Variants in ALOX5 observed in about 807,000 individuals in gnomAD.
ALOX5 encodes the protein arachidonate 5-lipoxygenase.
ALOX5 carries 64 observed loss-of-function variants against 87.9 expected under a neutral mutation model. The observed-to-expected ratio is 0.73, with a 90% CI of 0.60 to 0.90. The LOEUF is 0.90. ALOX5 is among the 40% of genes least tolerant of loss of function. The pLI is 0.00. For synonymous variants in ALOX5, 388 were observed against 355.1 expected, an observed-to-expected ratio of 1.09 and a Z score of -1.04; for missense variants, 822 against 907.5, an observed-to-expected ratio of 0.91 and a Z score of 1.21.
intron 1 of ALOX5, among the ~76,000 whole-genome samples, chr10:45,376,634 A>G (rs1038488860): frequency 1.3e-5 from 2 of 152,250 alleles, no homozygotes; most frequent in Admixed American, 1.3e-4. Context: ...TAACGATAAC[A>G]ATAACAATAA....
In ALOX5 at chr10:45,382,565, A is replaced by G. The variant is rs373197650; in HGVS notation, c.233A>G (p.Asn78Ser). Residue 78 changes from asparagine to serine, a missense_variant, in exon 2 of 14, where the codon AAT becomes AGT. Transcript: ENST00000374391. The part of the protein sequence containing the change: ...VRIEKRKYWL[N>S]DDWYLKYITL... ...ATCGAGAAGCGCAAGTACTGGCTGA[A>G]TGACGACTGGTACCTGAAGTACATC... 52 of 1,614,102 alleles carry G rather than the reference A, an allele frequency of 3.2e-5. 1 individual carries two copies. In the South Asian group the frequency reaches 4.7e-4, roughly 15 times the overall value.
intron 2 of ALOX5, among the ~76,000 whole-genome samples, chr10:45,394,336 C>G (rs956595911): frequency 6.6e-6 from 1 of 152,138 alleles, no homozygotes; most frequent in South Asian, 2.1e-4. Flanking sequence ...ACAAACCTGA[C>G]AAAAACAAGC....
chr10:45,374,236 C>G lies in ALOX5; in HGVS notation c.-44C>G. On this transcript the variant is annotated 5_prime_UTR_variant, in exon 1 of 14. Transcript: ENST00000374391. Reference sequence around the variant, plus strand: ...GCGCTAGATGCGGACACCTGGACCGCCGCGCCGAGGCTCCCGGCGCTCGCT... The same window carrying G: ...GCGCTAGATGCGGACACCTGGACCGGCGCGCCGAGGCTCCCGGCGCTCGCT... 2 of 1,444,766 alleles carry G rather than the reference C, an allele frequency of 1.4e-6. No individual in the cohort carries two copies. The highest frequency in any genetic ancestry group is 1.8e-6 in the Non-Finnish European group (2 of 1,099,212). The allele number at this position is 1,444,766 out of a possible 1,614,324, so 89.5% of individuals were successfully genotyped here.
At chr10:45,384,302 T>C (rs778028226) in intron 2 of ALOX5, among the ~76,000 whole-genome samples, 1 of 152,180 alleles carries the variant, frequency 6.6e-6, no homozygotes, top group African/African-American at 2.4e-5. Context: ...TTCCAATCAC[T>C]TTCAGGGACA....
At chr10:45,423,633 A>G (rs1841586682) in intron 4 of ALOX5, among the ~76,000 whole-genome samples, 2 of 152,262 alleles carry the variant, frequency 1.3e-5, no homozygotes, top group Non-Finnish European at 2.9e-5. Flanking sequence ...AGCAGAAAAT[A>G]CATGAGTTTT....
At chr10:45,402,632 G>C (rs1336786910) in intron 3 of ALOX5, among the ~76,000 whole-genome samples, 1 of 152,156 alleles carries the variant, frequency 6.6e-6, no homozygotes, top group Non-Finnish European at 1.5e-5. Context: ...AAGCTAAAAG[G>C]ATTTTTCAAA....
chr10:45,392,150 A>G (rs1840304633), intron 2 of ALOX5, among the ~76,000 whole-genome samples: 1 of 148,728 alleles, frequency 6.7e-6, no homozygotes, highest in South Asian at 2.2e-4. Flanking sequence ...CTGCCTGGCC[A>G]CCCCTACTGG....
At position 45,428,246 on chromosome 10, in the gene ALOX5, T is replaced by C. The variant is rs1018317314; in HGVS notation, c.835-372T>C. ...GGTTGAGTTCGCCAGTTTTGACTTA[T>C]GTGTAGAGTCCGGCAGCATCATTTT... is the stretch of plus-strand genomic sequence containing the variant. On this transcript the variant is annotated intron_variant, in intron 6 of 13. Transcript: ENST00000374391. The C allele has an allele frequency of 3.3e-5, 7 of 214,956 alleles. No individual in the cohort carries two copies. The East Asian group carries it at 4.8e-4, about 15-fold the overall frequency. 13.3% of individuals were successfully genotyped at this position (214,956 alleles called of 1,614,324 possible). A position where few individuals can be genotyped will look rare whatever the true frequency, so the allele number is the denominator to read the frequency against.
intron 13 of ALOX5, 145 bp downstream of exon 13, chr10:45,444,431 C>T: frequency 8.9e-7 from 1 of 1,122,824 alleles, no homozygotes; most frequent in South Asian, 1.7e-5. Flanking sequence ...CAGAAGGCTG[C>T]AGCCGCCACC....
chr10:45,441,487 C>T, intron 9 of ALOX5, 57 bp downstream of exon 9: 3 of 1,537,772 alleles, frequency 2.0e-6, no homozygotes, highest in Non-Finnish European at 2.7e-6. Flanking sequence ...GCCGCCTTCA[C>T]TCCCTATCTG....
At chr10:45,420,085 C>T (rs949524183) in intron 4 of ALOX5, among the ~76,000 whole-genome samples, 1 of 152,212 alleles carries the variant, frequency 6.6e-6, no homozygotes, top group African/African-American at 2.4e-5. Flanking sequence ...AACCACTTTT[C>T]CTGTGACACA....
chr10:45,440,380 T>C (rs1363998338), intron 7 of ALOX5, 50 bp from the exon 8 acceptor site: 1 of 1,576,708 alleles, frequency 6.3e-7, no homozygotes. Context: ...CCAACAACTA[T>C]ACTCTGAAGT....
At chr10:45,404,597 A>G (rs1840813202) in intron 3 of ALOX5, among the ~76,000 whole-genome samples, 1 of 152,266 alleles carries the variant, frequency 6.6e-6, no homozygotes, top group South Asian at 2.1e-4. Flanking sequence ...TCTGGTTGAC[A>G]CAGATAGATG....
intron 6 of ALOX5, among the ~76,000 whole-genome samples, chr10:45,426,764 G>C (rs756806947): frequency 1.3e-5 from 2 of 152,152 alleles, no homozygotes; most frequent in Non-Finnish European, 1.5e-5. Flanking sequence ...CCCCTGCACT[G>C]TCTCTCTCTC....
At chr10:45,396,959 AAAAC>A (rs1365878643) in intron 3 of ALOX5, among the ~76,000 whole-genome samples, 1 of 152,244 alleles carries the variant, frequency 6.6e-6, no homozygotes, top group Non-Finnish European at 1.5e-5. Context: ...ATAACAAAAC[AAAAC>A]AAAGTACATA....
chr10:45,392,006 C>T (rs566373495), intron 2 of ALOX5, among the ~76,000 whole-genome samples: 168 of 151,570 alleles, frequency 1.1e-3, no homozygotes, highest in Non-Finnish European at 1.8e-3. Flanking sequence ...GTCAGCCCCC[C>T]GCCCGGCCAG....
intron 2 of ALOX5, 145 bp downstream of exon 2, chr10:45,382,826 T>G: frequency 4.1e-6 from 4 of 974,588 alleles, no homozygotes; most frequent in Non-Finnish European, 6.0e-6. Context: ...TCGACACACC[T>G]GCAGGAGGCA....
chr10:45,438,286 A>T (rs748459745), intron 7 of ALOX5, among the ~76,000 whole-genome samples: 1 of 152,158 alleles, frequency 6.6e-6, no homozygotes, highest in Non-Finnish European at 1.5e-5. Flanking sequence ...TGCCTGTTCA[A>T]TATCATGTTG....
intron 8 of ALOX5, among the ~76,000 whole-genome samples, chr10:45,440,953 G>A (rs1186511173): frequency 6.6e-6 from 1 of 152,202 alleles, no homozygotes; most frequent in African/African-American, 2.4e-5. Flanking sequence ...CTCCGTCCCT[G>A]TTCTCGAATC....
Sources: gnomAD v4.1 joint callset for allele counts (sites outside exome capture counted in the v4.1 genomes callset) on GRCh38, gnomAD v4.1.1 for gene constraint, MANE v1.5 for transcripts, NCBI Gene and HGNC (gene_info 2026-07-23, HGNC 2026-07-21) for gene names.